TEX2: variants seen among roughly 807,000 people sequenced by gnomAD.
TEX2 encodes the protein testis-expressed protein 2.
A neutral mutation model predicts 106.9 loss-of-function variants in TEX2; 53 were observed. That is an observed-to-expected ratio of 0.50 (90% CI 0.40 to 0.62). The LOEUF (loss-of-function observed/expected upper bound fraction) is 0.62. Among genes scored for constraint, TEX2 ranks in the 20% least tolerant of loss-of-function variants. The pLI is 0.00. For synonymous variants in TEX2, 523 were observed against 534.8 expected (o/e 0.98, Z 0.30); for missense variants, 1,207 against 1,379.0 (o/e 0.88, Z 1.98).
At chr17:64,176,690 G>C (rs1457226535) in intron 6 of TEX2, among the ~76,000 whole-genome samples, 1 of 152,222 alleles carries the variant, frequency 6.6e-6, no homozygotes, top group Non-Finnish European at 1.5e-5. Context: ...ATTAGCACCA[G>C]AGTGTTTCTT....
At chr17:64,214,320 C>T in intron 1 of TEX2, 78 bp from the exon 2 acceptor site, 2 of 1,223,608 alleles carry the variant, frequency 1.6e-6, no homozygotes, top group Non-Finnish European at 1.2e-6. Context: ...GATAGGAGCA[C>T]AGATGAAGCT....
rs11419588 is a variant in TEX2 at position 64,172,352 on chromosome 17, CA to C, written c.2572-1154del. 4.2e-3 allele frequency among the ~76,000 whole-genome samples: 554 copies of C among 131,828 alleles called. 6 individuals are homozygous for C. Among genetic ancestry groups the C allele is most frequent in the African/African-American group, 0.014 (479 of 34,616 alleles). 86.5% of individuals were successfully genotyped at this position (131,828 alleles called of 152,430 possible). A position where few individuals can be genotyped will look rare whatever the true frequency, so the allele number is the denominator to read the frequency against. ...TGGGTGACAGAGCGAGAATCCGTCTCAAAAAAAAAAAAAAGAAAAATAGCAC... is the reference window on the plus strand; with the variant it reads ...TGGGTGACAGAGCGAGAATCCGTCTCAAAAAAAAAAAAAGAAAAATAGCAC... On this transcript the variant is annotated intron_variant, in intron 6 of 11. Coordinates refer to ENST00000584379, the MANE Select transcript of TEX2 (RefSeq NM_001288732.2).
At chr17:64,256,369 G>A (rs1319455974) in intron 1 of TEX2, among the ~76,000 whole-genome samples, 2 of 152,150 alleles carry the variant, frequency 1.3e-5, no homozygotes, top group African/African-American at 4.8e-5. Flanking sequence ...CCCTTGAGCA[G>A]TGTCTGGTTC....
intron 1 of TEX2, among the ~76,000 whole-genome samples, chr17:64,239,763 C>T (rs557447759): frequency 1.3e-5 from 2 of 150,130 alleles, no homozygotes; most frequent in South Asian, 4.2e-4. Context: ...GTAATCCCTG[C>T]TACTCGAGAG....
chr17:64,233,007 T>G (rs2033690562), intron 1 of TEX2, among the ~76,000 whole-genome samples: 1 of 152,166 alleles, frequency 6.6e-6, no homozygotes, highest in East Asian at 1.9e-4. Context: ...AGGGTTAGTG[T>G]ACCAGAAAAT....
intron 1 of TEX2, among the ~76,000 whole-genome samples, chr17:64,227,393 G>A (rs1426193820): frequency 1.3e-5 from 2 of 151,912 alleles, no homozygotes; most frequent in Non-Finnish European, 2.9e-5. Context: ...AAAGGAGAGG[G>A]TAGCATTAAT....
chr17:64,198,082 A>G (rs1555629602), intron 2 of TEX2, among the ~76,000 whole-genome samples: 1 of 152,068 alleles, frequency 6.6e-6, no homozygotes, highest in Non-Finnish European at 1.5e-5. Context: ...GTGTAATTTC[A>G]TAATAGGAAA....
chr17:64,232,992 A>C (rs1338257414), intron 1 of TEX2, among the ~76,000 whole-genome samples: 2 of 152,166 alleles, frequency 1.3e-5, no homozygotes, highest in African/African-American at 4.8e-5. Context: ...TTTGGGATTG[A>C]GGGAAGGGTT....
At chr17:64,155,516 G>T (rs146833907) in intron 8 of TEX2, 1 of 151,960 alleles carries the variant, frequency 6.6e-6, no homozygotes, top group Non-Finnish European at 1.5e-5. Context: ...GTGAAATTAC[G>T]TATTTCACTC....
At chr17:64,190,850 G>A (rs1032362789) in intron 4 of TEX2, among the ~76,000 whole-genome samples, 1 of 152,160 alleles carries the variant, frequency 6.6e-6, no homozygotes, top group South Asian at 2.1e-4. Flanking sequence ...AGCACAATCC[G>A]TGTTGCTAGA....
intron 1 of TEX2, among the ~76,000 whole-genome samples, chr17:64,220,784 A>G (rs2033336528): frequency 6.6e-6 from 1 of 152,206 alleles, no homozygotes; most frequent in African/African-American, 2.4e-5. Context: ...ATTGTGGAAG[A>G]CAGTGTGGCA....
chr17:64,182,325 G>A (rs1175357505), intron 5 of TEX2, among the ~76,000 whole-genome samples: 2 of 152,104 alleles, frequency 1.3e-5, no homozygotes, highest in Non-Finnish European at 2.9e-5. Context: ...TGGGAGGAGG[G>A]GGACAGGGGA....
intron 1 of TEX2, among the ~76,000 whole-genome samples, chr17:64,238,049 C>T (rs2033808569): frequency 6.6e-6 from 1 of 152,162 alleles, no homozygotes; most frequent in Admixed American, 6.5e-5. Flanking sequence ...TGCCTGTAAT[C>T]CTGAGACTTT....
chr17:64,217,154 C>G lies in TEX2; in HGVS notation c.-25-2912G>C, dbSNP rs2033210200. ...AAGGCTGCTTCCAGGCCCCAAACTG[C>G]TGGGTAATTGAGTGTGCTAGAACCA... On this transcript the variant is annotated intron_variant, in intron 1 of 11. Transcript: ENST00000584379. This position sits in a 1 kb window ranked among gnomAD's most constrained non-coding sequence, Gnocchi z 4.3. 6.6e-6 allele frequency among the ~76,000 whole-genome samples: 1 copy of G among 152,192 alleles called. No homozygotes were observed. Among genetic ancestry groups the G allele is most frequent in the African/African-American group, 2.4e-5 (1 of 41,442 alleles).
chr17:64,165,802 T>A (rs765559793), intron 7 of TEX2, among the ~76,000 whole-genome samples: 1 of 152,178 alleles, frequency 6.6e-6, no homozygotes, highest in Non-Finnish European at 1.5e-5. Flanking sequence ...TCAGTCCAGA[T>A]GACTAAGGGC....
chr17:64,174,074 T>G (rs1163388492), intron 6 of TEX2, among the ~76,000 whole-genome samples: 2 of 152,108 alleles, frequency 1.3e-5, no homozygotes, highest in Admixed American at 6.5e-5. Context: ...CTCAAACTAC[T>G]GGGCTCAAGA....
At chr17:64,202,523 G>A (rs1235251855) in intron 2 of TEX2, among the ~76,000 whole-genome samples, 1 of 152,170 alleles carries the variant, frequency 6.6e-6, no homozygotes, top group Non-Finnish European at 1.5e-5. Context: ...CCAAGTCCCT[G>A]GATTAAGCTG....
intron 6 of TEX2, among the ~76,000 whole-genome samples, chr17:64,173,147 A>C (rs962310119): frequency 1.4e-4 from 22 of 152,266 alleles, no homozygotes; most frequent in African/African-American, 5.3e-4. Flanking sequence ...ACTGCACTGG[A>C]GTCTGTACTG....
At chr17:64,220,592 T>C (rs927835790) in intron 1 of TEX2, among the ~76,000 whole-genome samples, 2 of 146,704 alleles carry the variant, frequency 1.4e-5, no homozygotes, top group Non-Finnish European at 3.0e-5. Flanking sequence ...GCAAAAAAAA[T>C]ATGAAAAAAA....
Sources: allele counts gnomAD v4.1 joint callset (sites outside exome capture counted in the v4.1 genomes callset), GRCh38; gene constraint gnomAD v4.1.1; non-coding constraint Gnocchi (gnomAD v3.1); transcripts MANE v1.5; gene names NCBI Gene and HGNC (gene_info 2026-07-23, HGNC 2026-07-21).